ST8SIA5: variants seen among roughly 807,000 people sequenced by gnomAD.
ST8SIA5 encodes the protein alpha-2,8-sialyltransferase 8E.
ST8SIA5 carries 24 observed loss-of-function variants against 40.2 expected under a neutral mutation model. The ratio of observed to expected loss-of-function variants is 0.60; its 90% CI spans 0.43 to 0.84. The LOEUF is 0.84. Ranked by LOEUF, ST8SIA5 falls within the 40% of genes least tolerant of loss-of-function variation. ST8SIA5 has a pLI of 0.00. For missense variants in ST8SIA5, 465 were observed against 498.5 expected (o/e 0.93, Z 0.64); for synonymous variants, 198 against 201.8 (o/e 0.98, Z 0.16).
At chr18:46,732,400 T>G (rs2039993617) in intron 1 of ST8SIA5, among the ~76,000 whole-genome samples, 1 of 152,194 alleles carries the variant, frequency 6.6e-6, no homozygotes, top group South Asian at 2.1e-4. Context: ...CGGGAGTCAG[T>G]TGCACCCAGC....
At chr18:46,714,295 G>A (rs2039763542) in intron 1 of ST8SIA5, among the ~76,000 whole-genome samples, 1 of 152,188 alleles carries the variant, frequency 6.6e-6, no homozygotes, top group Non-Finnish European at 1.5e-5. Flanking sequence ...TAATGGGTGG[G>A]TGGATGCTTG....
At chr18:46,686,676 G>A (rs1012681901) in intron 4 of ST8SIA5, among the ~76,000 whole-genome samples, 13 of 152,152 alleles carry the variant, frequency 8.5e-5, no homozygotes, top group Admixed American at 2.6e-4. Flanking sequence ...ATTTAAGGGG[G>A]ACTTCTGCGG....
chr18:46,695,248 C>T (rs1310501416), intron 2 of ST8SIA5, among the ~76,000 whole-genome samples: 1 of 151,918 alleles, frequency 6.6e-6, no homozygotes, highest in Admixed American at 6.5e-5. Context: ...AACAGTTGTC[C>T]TCAAACAAGG....
chr18:46,704,128 A>G (rs1286411588), intron 2 of ST8SIA5, among the ~76,000 whole-genome samples: 1 of 152,252 alleles, frequency 6.6e-6, no homozygotes, highest in Non-Finnish European at 1.5e-5. Context: ...CAAATTTTGT[A>G]TCACCTAAAT....
chr18:46,688,585 C>T (rs2039471055), intron 4 of ST8SIA5, among the ~76,000 whole-genome samples, 190 bp downstream of exon 4: 1 of 152,224 alleles, frequency 6.6e-6, no homozygotes, highest in African/African-American at 2.4e-5. Context: ...TCATGGTTCT[C>T]AGACAGAACC....
chr18:46,746,930 T>C (rs1179456501), intron 1 of ST8SIA5, among the ~76,000 whole-genome samples: 1 of 152,144 alleles, frequency 6.6e-6, no homozygotes, highest in African/African-American at 2.4e-5. Flanking sequence ...TCTACAACCA[T>C]CTGATCTTTG....
intron 3 of ST8SIA5, among the ~76,000 whole-genome samples, chr18:46,690,217 G>C (rs2039491196): frequency 6.6e-6 from 1 of 152,178 alleles, no homozygotes; most frequent in African/African-American, 2.4e-5. Context: ...CTATTTGTAG[G>C]CAGCAGGGTG....
At chr18:46,729,964 T>C (rs1268133356) in intron 1 of ST8SIA5, among the ~76,000 whole-genome samples, 5 of 152,068 alleles carry the variant, frequency 3.3e-5, no homozygotes, top group Non-Finnish European at 7.4e-5. Flanking sequence ...GCAGCACTAA[T>C]CCCAGAAATT....
intron 2 of ST8SIA5, among the ~76,000 whole-genome samples, chr18:46,695,873 C>A (rs957004994): frequency 1.3e-5 from 2 of 152,320 alleles, no homozygotes; most frequent in African/African-American, 4.8e-5. Flanking sequence ...ATGGCAGGAA[C>A]TAGAAATACA....
intron 1 of ST8SIA5, among the ~76,000 whole-genome samples, chr18:46,736,548 C>G (rs941277601): frequency 1.3e-5 from 2 of 152,098 alleles, no homozygotes; most frequent in Non-Finnish European, 2.9e-5. Flanking sequence ...AGAGAAAGCA[C>G]TTGGGAATTC....
rs996773963 is a variant in ST8SIA5, at chr18:46,677,377, T to C, written c.*2665A>G. On this transcript the variant is annotated 3_prime_UTR_variant, in exon 7 of 7. Transcript: ENST00000315087. ...CCTGGAATTGCTTTAAGCCTCTGTC[T>C]CCTCATCTGTACAATGGGAGCCTCC... 6.6e-6 allele frequency: 1 copy of C among 151,092 alleles called. No individual in the cohort carries two copies. The highest frequency in any genetic ancestry group is 2.5e-5 in the African/African-American group (1 of 40,792). The allele number at this position is 151,092 out of a possible 1,614,324, so 9.4% of individuals were successfully genotyped here.
intron 1 of ST8SIA5, among the ~76,000 whole-genome samples, chr18:46,752,552 C>G (rs761709259): frequency 1.3e-5 from 2 of 152,182 alleles, no homozygotes; most frequent in Non-Finnish European, 2.9e-5. Context: ...ACTGCCCCAC[C>G]TTCTCCCCTC....
intron 1 of ST8SIA5, among the ~76,000 whole-genome samples, chr18:46,714,608 T>C (rs544866947): frequency 5.5e-4 from 83 of 152,152 alleles, no homozygotes; most frequent in African/African-American, 1.8e-3. Context: ...GAGGGAGTGC[T>C]ATCCCCCCAC....
At chr18:46,747,201 A>G (rs1010175140) in intron 1 of ST8SIA5, among the ~76,000 whole-genome samples, 4 of 152,226 alleles carry the variant, frequency 2.6e-5, no homozygotes, top group African/African-American at 9.6e-5. Flanking sequence ...AATGGCAACA[A>G]AAGCCAAAAT....
At chr18:46,747,339 T>C (rs929360516) in intron 1 of ST8SIA5, among the ~76,000 whole-genome samples, 1 of 152,056 alleles carries the variant, frequency 6.6e-6, no homozygotes, top group Non-Finnish European at 1.5e-5. Flanking sequence ...AGGGTTAATA[T>C]CCAGAATCTA....
At chr18:46,725,972 AATATATATAT>A (rs1555696955) in intron 1 of ST8SIA5, among the ~76,000 whole-genome samples, 5 of 29,092 alleles carry the variant, frequency 1.7e-4, no homozygotes, top group East Asian at 1.1e-3. Context: ...AAAAAAAAAA[AATATATATAT>A]ATATATATAT....
chr18:46,729,500 CA>C (rs1224824281), intron 1 of ST8SIA5, among the ~76,000 whole-genome samples: 1 of 152,058 alleles, frequency 6.6e-6, no homozygotes, highest in Non-Finnish European at 1.5e-5. Flanking sequence ...GCCAGAAACA[CA>C]TGCCAGACTG....
Position 46,710,408 on chromosome 18 carries a change from T to TG in ST8SIA5, c.132-5745_132-5744insC, listed in dbSNP as rs1205517002. 1.4e-4 allele frequency among the ~76,000 whole-genome samples: 19 copies of TG among 138,854 alleles called. No homozygotes were observed. The South Asian group carries it at 2.1e-3, about 15-fold the overall frequency. 91.1% of individuals were successfully genotyped at this position (138,854 alleles called of 152,430 possible). A position where few individuals can be genotyped will look rare whatever the true frequency, so the allele number is the denominator to read the frequency against. The stretch of plus-strand genomic sequence containing the variant: ...CTTTCTTTCTTTCTTTCTTTCTTTC[T>TG]TTCTTTCTTTTTCTTTCTCTCTCTT... On this transcript the variant is annotated intron_variant, in intron 1 of 6. Transcript: ENST00000315087.
chr18:46,736,703 G>T (rs546148058), intron 1 of ST8SIA5, among the ~76,000 whole-genome samples: 123 of 152,158 alleles, frequency 8.1e-4, no homozygotes, highest in African/African-American at 3.0e-3. Flanking sequence ...GGGGAGGGAG[G>T]TTTGGCCTTC....
Sources: allele counts gnomAD v4.1 joint callset (sites outside exome capture counted in the v4.1 genomes callset), GRCh38; gene constraint gnomAD v4.1.1; transcripts MANE v1.5; gene names NCBI Gene and HGNC (gene_info 2026-07-23, HGNC 2026-07-21).